Variants in LDB2 observed in about 807,000 individuals in gnomAD.
LDB2 encodes the protein LIM domain binding 2.
LDB2 carries 12 observed loss-of-function variants against 44.3 expected under a neutral mutation model. The observed-to-expected ratio is 0.27, with a 90% CI of 0.17 to 0.44. LDB2 has a LOEUF of 0.44. LDB2 is among the 20% of genes least tolerant of loss of function. The probability of loss-of-function intolerance (pLI) is 1.00; values close to 1 mark genes in which losing one functional copy is unlikely to be tolerated. For missense variants in LDB2, 344 were observed against 473.5 expected, an observed-to-expected ratio of 0.73 and a Z score of 2.54; for synonymous variants, 164 against 174.8, an observed-to-expected ratio of 0.94 and a Z score of 0.49.
intron 2 of LDB2, among the ~76,000 whole-genome samples, chr4:16,690,080 T>G (rs976380998): frequency 2.6e-5 from 4 of 152,146 alleles, no homozygotes; most frequent in African/African-American, 9.7e-5. Context: ...TAAAGATGGT[T>G]GGGCTAATTT....
At chr4:16,694,003 C>G (rs979486424) in intron 2 of LDB2, among the ~76,000 whole-genome samples, 2 of 152,192 alleles carry the variant, frequency 1.3e-5, no homozygotes, top group African/African-American at 4.8e-5. Flanking sequence ...TGTCGCTCCT[C>G]CTGGTTGATC....
chr4:16,542,539 A>C (rs1254224790), intron 5 of LDB2, among the ~76,000 whole-genome samples: 8 of 152,248 alleles, frequency 5.3e-5, no homozygotes, highest in Admixed American at 5.2e-4. Context: ...AGAGAGAACT[A>C]AGGGAAGAGA....
At chr4:16,553,716 G>A (rs1008777340) in intron 5 of LDB2, among the ~76,000 whole-genome samples, 16 of 152,164 alleles carry the variant, frequency 1.1e-4, no homozygotes, top group Non-Finnish European at 2.9e-5. Flanking sequence ...CCCTGCCTCA[G>A]CAGTTCTTAA....
At chr4:16,552,661 C>T (rs1393327155) in intron 5 of LDB2, among the ~76,000 whole-genome samples, 1 of 152,212 alleles carries the variant, frequency 6.6e-6, no homozygotes, top group Non-Finnish European at 1.5e-5. Flanking sequence ...CGGAAGCTGA[C>T]TGCTTTAATA....
At chr4:16,712,639 A>T (rs1756167889) in intron 2 of LDB2, among the ~76,000 whole-genome samples, 1 of 152,180 alleles carries the variant, frequency 6.6e-6, no homozygotes, top group Non-Finnish European at 1.5e-5. Context: ...TCACTAGGGA[A>T]CTGCAAATCA....
intron 1 of LDB2, among the ~76,000 whole-genome samples, chr4:16,850,706 G>C (rs1788048396): frequency 6.6e-6 from 1 of 152,148 alleles, no homozygotes; most frequent in African/African-American, 2.4e-5. Context: ...GAGAGAGAGG[G>C]CAGATCAAAT....
chr4:16,851,979 T>C (rs574509848), intron 1 of LDB2, among the ~76,000 whole-genome samples: 1 of 152,316 alleles, frequency 6.6e-6, no homozygotes, highest in African/African-American at 2.4e-5. Flanking sequence ...TCTGTTAGTA[T>C]TACTTTTACC....
At chr4:16,610,569 C>T (rs1006087223) in intron 2 of LDB2, among the ~76,000 whole-genome samples, 8 of 151,318 alleles carry the variant, frequency 5.3e-5, no homozygotes, top group African/African-American at 1.7e-4. Flanking sequence ...GTGAAGCAGA[C>T]ACAAGTATCA....
chr4:16,749,522 G>A, intron 2 of LDB2, among the ~76,000 whole-genome samples: 1 of 142,324 alleles, frequency 7.0e-6, no homozygotes. Flanking sequence ...TCACACCACT[G>A]CATTCCAGCC....
At chr4:16,817,299 T>G (rs918170278) in intron 1 of LDB2, among the ~76,000 whole-genome samples, 2 of 152,200 alleles carry the variant, frequency 1.3e-5, no homozygotes, top group African/African-American at 4.8e-5. Flanking sequence ...TCCCCAGTCT[T>G]CCGCATGATT....
intron 2 of LDB2, among the ~76,000 whole-genome samples, chr4:16,654,598 T>C (rs1426241334): frequency 6.6e-6 from 1 of 152,182 alleles, no homozygotes; most frequent in Non-Finnish European, 1.5e-5. Context: ...ATTCAGGAAG[T>C]TAGGAAAATT....
chr4:16,636,842 C>CA (rs1733745885), intron 2 of LDB2, among the ~76,000 whole-genome samples: 1 of 152,078 alleles, frequency 6.6e-6, no homozygotes, highest in Non-Finnish European at 1.5e-5. Context: ...ATAGGATTTG[C>CA]AAAAAGAAGC....
At chr4:16,729,898 AT>A (rs1381909062) in intron 2 of LDB2, among the ~76,000 whole-genome samples, 3 of 152,098 alleles carry the variant, frequency 2.0e-5, no homozygotes, top group Non-Finnish European at 4.4e-5. Flanking sequence ...ATTAGCATTG[AT>A]TTTTAACACC....
intron 2 of LDB2, among the ~76,000 whole-genome samples, chr4:16,683,136 C>T (rs1578749880): frequency 1.3e-5 from 2 of 152,198 alleles, no homozygotes; most frequent in Admixed American, 6.5e-5. Flanking sequence ...TACCGCACCT[C>T]CCCCCGCAAA....
chr4:16,513,214 G>T (rs1722467687), intron 5 of LDB2, among the ~76,000 whole-genome samples: 1 of 152,060 alleles, frequency 6.6e-6, no homozygotes, highest in Admixed American at 6.6e-5. Context: ...TCTGAAGACT[G>T]CACATCTCTA....
intron 5 of LDB2, among the ~76,000 whole-genome samples, chr4:16,535,938 A>G (rs1468421543): frequency 2.6e-5 from 4 of 152,226 alleles, no homozygotes; most frequent in African/African-American, 9.6e-5. Flanking sequence ...TAACCACTGC[A>G]CTGTGCTGCT....
intron 2 of LDB2, among the ~76,000 whole-genome samples, chr4:16,699,665 C>A (rs948555993): frequency 1.3e-5 from 2 of 152,016 alleles, no homozygotes; most frequent in African/African-American, 4.8e-5. Context: ...TTGCAACTTT[C>A]AAAAATAAAA....
intron 5 of LDB2, among the ~76,000 whole-genome samples, chr4:16,568,253 GAATT>G (rs1192463053): frequency 2.6e-5 from 4 of 152,148 alleles, no homozygotes; most frequent in Non-Finnish European, 5.9e-5. Context: ...AGGAATCAGA[GAATT>G]AATTAAACTA....
At chr4:16,633,410 C>T (rs913380816) in intron 2 of LDB2, among the ~76,000 whole-genome samples, 3 of 151,972 alleles carry the variant, frequency 2.0e-5, no homozygotes, top group South Asian at 2.1e-4. Flanking sequence ...ACATTGTGCA[C>T]GTGTACCCTA....
Sources: allele counts gnomAD v4.1 joint callset (sites outside exome capture counted in the v4.1 genomes callset), GRCh38; gene constraint gnomAD v4.1.1; transcripts MANE v1.5; gene names NCBI Gene and HGNC (gene_info 2026-07-23, HGNC 2026-07-21).